CADM2: variants seen among roughly 807,000 people sequenced by gnomAD.
CADM2 encodes immunoglobulin superfamily member 4D.
A neutral mutation model predicts 49.8 loss-of-function variants in CADM2; 12 were observed. The observed-to-expected ratio is 0.24, with a 90% CI of 0.15 to 0.39. The LOEUF (loss-of-function observed/expected upper bound fraction) is 0.39, where lower values mean the gene tolerates loss of function less well. Ranked by LOEUF, CADM2 falls within the 10% of genes least tolerant of loss-of-function variation. The pLI is 1.00. For missense variants in CADM2, 378 were observed against 492.3 expected (o/e 0.77, Z 2.20); for synonymous variants, 214 against 175.4 (o/e 1.22, Z -1.74).
At chr3:85,172,214 A>G (rs1253683098) in intron 1 of CADM2, among the ~76,000 whole-genome samples, 1 of 152,136 alleles carries the variant, frequency 6.6e-6, no homozygotes, top group Non-Finnish European at 1.5e-5. Context: ...CCCAGTTTCT[A>G]TTCTTGGAAC....
intron 1 of CADM2, among the ~76,000 whole-genome samples, chr3:85,553,401 A>G (rs114273086): frequency 3.0e-4 from 45 of 152,324 alleles, no homozygotes; most frequent in African/African-American, 1.0e-3. Flanking sequence ...CATAATTGCT[A>G]ACTTCTACAA....
intron 8 of CADM2, among the ~76,000 whole-genome samples, chr3:86,044,754 A>G (rs1300690791): frequency 2.6e-5 from 4 of 152,200 alleles, no homozygotes; most frequent in African/African-American, 9.7e-5. Context: ...ATAAAGACAC[A>G]TGCACACATG....
chr3:86,013,182 A>G (rs1731772600), intron 8 of CADM2: 3 of 1,359,302 alleles, frequency 2.2e-6, no homozygotes, highest in Non-Finnish European at 3.1e-6. Context: ...CGAAATCAGG[A>G]CTGAAACAGA....
intron 1 of CADM2, among the ~76,000 whole-genome samples, chr3:85,460,853 A>C (rs1353993829): frequency 1.3e-5 from 2 of 151,974 alleles, no homozygotes; most frequent in East Asian, 1.9e-4. Context: ...TGCCCCATGG[A>C]AGCTCTCCTC....
chr3:85,011,297 C>T (rs1365747126), intron 1 of CADM2, among the ~76,000 whole-genome samples: 3 of 152,034 alleles, frequency 2.0e-5, no homozygotes, highest in African/African-American at 7.2e-5. Context: ...GTTCCCTGCA[C>T]ATTTAGCAGA....
chr3:85,805,784 T>C lies in CADM2; in HGVS notation c.238+3588T>C, dbSNP rs139710811. Among the ~76,000 whole-genome samples, 60 of 152,246 alleles carry C rather than the reference T, an allele frequency of 3.9e-4. No homozygotes were observed. The South Asian group carries it at 4.6e-3, about 12-fold the overall frequency. On this transcript the variant is annotated intron_variant, in intron 3 of 9. Transcript: ENST00000383699. ...GTTAGACTAGAGTAACGCATACTTG[T>C]TTTACTAGTGAAGACTGCACATGAG...
chr3:85,642,635 C>A (rs1481129712), intron 1 of CADM2, among the ~76,000 whole-genome samples: 2 of 152,030 alleles, frequency 1.3e-5, no homozygotes, highest in African/African-American at 4.8e-5. Flanking sequence ...CCTAACTTTA[C>A]AAGATAGTTA....
At chr3:85,191,971 A>G (rs898519030) in intron 1 of CADM2, among the ~76,000 whole-genome samples, 12 of 118,544 alleles carry the variant, frequency 1.0e-4, no homozygotes, top group South Asian at 5.1e-4. Context: ...GTGTGTGTGT[A>G]TTTTTTTAAC....
chr3:85,812,995 T>C (rs556251615), intron 3 of CADM2, among the ~76,000 whole-genome samples: 3 of 152,316 alleles, frequency 2.0e-5, no homozygotes, highest in Admixed American at 6.5e-5. Flanking sequence ...CTGTGAATAG[T>C]GCTGCAATAA....
At chr3:85,595,555 G>T (rs1576892188) in intron 1 of CADM2, among the ~76,000 whole-genome samples, 1 of 152,004 alleles carries the variant, frequency 6.6e-6, no homozygotes, top group Non-Finnish European at 1.5e-5. Flanking sequence ...GCTAATATGT[G>T]TAGTATTACT....
At chr3:85,448,253 A>G (rs887231477) in intron 1 of CADM2, among the ~76,000 whole-genome samples, 1 of 150,920 alleles carries the variant, frequency 6.6e-6, no homozygotes, top group African/African-American at 2.4e-5. Flanking sequence ...GAATGGCGAG[A>G]ACCCGGAAGG....
intron 1 of CADM2, among the ~76,000 whole-genome samples, chr3:85,170,248 G>A (rs1332124742): frequency 6.6e-6 from 1 of 152,130 alleles, no homozygotes; most frequent in Non-Finnish European, 1.5e-5. Flanking sequence ...CGCCTTTAGA[G>A]TAAGTTGAGC....
intron 1 of CADM2, among the ~76,000 whole-genome samples, chr3:85,179,536 A>G (rs760537380): frequency 6.6e-6 from 1 of 151,972 alleles, no homozygotes; most frequent in African/African-American, 2.4e-5. Context: ...CAAAAATTAC[A>G]ATTTTCTACA....
intron 1 of CADM2, among the ~76,000 whole-genome samples, chr3:85,383,923 ATTTTT>A (rs1323233868): frequency 6.6e-6 from 1 of 152,066 alleles, no homozygotes; most frequent in African/African-American, 2.4e-5. Context: ...ATTTCTAAGT[ATTTTT>A]CTTTTAAAAA....
intron 1 of CADM2, among the ~76,000 whole-genome samples, chr3:85,357,436 C>T (rs2031957908): frequency 6.6e-6 from 1 of 151,986 alleles, no homozygotes; most frequent in African/African-American, 2.4e-5. Flanking sequence ...GGATTCAGAC[C>T]ATCTCTCAAA....
intron 1 of CADM2, among the ~76,000 whole-genome samples, chr3:85,129,787 C>T (rs1378583880): frequency 6.6e-6 from 1 of 152,196 alleles, no homozygotes; most frequent in Non-Finnish European, 1.5e-5. Flanking sequence ...TTGGCTAGAA[C>T]ATTGAAAACA....
intron 1 of CADM2, among the ~76,000 whole-genome samples, chr3:85,049,326 A>AGTTTGTTT (rs1487546291): frequency 4.0e-4 from 43 of 107,738 alleles, no homozygotes; most frequent in African/African-American, 2.1e-3. Context: ...TTGCAGGTTT[A>AGTTTGTTT]GTTTATTTAT....
At chr3:85,166,046 T>C (rs1290861598) in intron 1 of CADM2, among the ~76,000 whole-genome samples, 1 of 151,822 alleles carries the variant, frequency 6.6e-6, no homozygotes, top group Non-Finnish European at 1.5e-5. Context: ...CAACATGTAG[T>C]TCTTTAAAGC....
intron 1 of CADM2, among the ~76,000 whole-genome samples, chr3:85,600,652 G>GT (rs201475814): frequency 0.028 from 4,197 of 147,512 alleles, 193 homozygotes; most frequent in African/African-American, 0.097. Flanking sequence ...CTTTTAAGTT[G>GT]TTTTTTTTTT....
Sources: allele counts gnomAD v4.1 joint callset (sites outside exome capture counted in the v4.1 genomes callset), GRCh38; gene constraint gnomAD v4.1.1; transcripts MANE v1.5; gene names NCBI Gene and HGNC (gene_info 2026-07-23, HGNC 2026-07-21).